The following AFF3 variants were observed in gnomAD, a reference collection of about 807,000 sequenced individuals.
AFF3 encodes the protein ALF transcription elongation factor 3, also known as AF4/FMR2 family member 3.
AFF3 carries 32 observed loss-of-function variants against 129.7 expected under a neutral mutation model. The ratio of observed to expected loss-of-function variants is 0.25; its 90% CI spans 0.19 to 0.33. The LOEUF (loss-of-function observed/expected upper bound fraction) is 0.33, where lower values mean the gene tolerates loss of function less well. Among genes scored for constraint, AFF3 ranks in the 10% least tolerant of loss-of-function variants. The pLI is 1.00. For missense variants in AFF3, 1,373 were observed against 1,592.0 expected, an observed-to-expected ratio of 0.86 and a Z score of 2.34; for synonymous variants, 644 against 635.4, an observed-to-expected ratio of 1.01 and a Z score of -0.20.
intron 11 of AFF3, among the ~76,000 whole-genome samples, chr2:99,721,746 G>A (rs373119001): frequency 2.6e-5 from 4 of 152,070 alleles, no homozygotes; most frequent in East Asian, 3.9e-4. Context: ...AATGTTCCAC[G>A]GTGTAGTTTT....
At chr2:99,927,247 C>T (rs1199792367) in intron 7 of AFF3, among the ~76,000 whole-genome samples, 1 of 152,234 alleles carries the variant, frequency 6.6e-6, no homozygotes, top group Non-Finnish European at 1.5e-5. Flanking sequence ...CTCTCCAGGG[C>T]ACTCTGAAAA....
At chr2:99,594,845 T>C (rs1679131131) in intron 14 of AFF3, among the ~76,000 whole-genome samples, 2 of 152,212 alleles carry the variant, frequency 1.3e-5, no homozygotes, top group Admixed American at 1.3e-4. Context: ...TGGCTTGTTT[T>C]GCATATAGAA....
rs1688591061 is a variant in AFF3 at position 99,832,649 on chromosome 2, T to C, written c.921+4828A>G. 2.6e-5 allele frequency among the ~76,000 whole-genome samples: 4 copies of C among 152,234 alleles called. No homozygotes were observed. The South Asian group carries it at 8.3e-4, about 31-fold the overall frequency. ...TATAAAATGAGATATAAAAGTGTGG[T>C]ATTTCTGTCCCTAACCGTTCAGATG... On this transcript the variant is annotated intron_variant, in intron 8 of 24. Transcript: ENST00000672756.
At chr2:99,611,290 G>A (rs566325486) in intron 13 of AFF3, among the ~76,000 whole-genome samples, 57 of 152,160 alleles carry the variant, frequency 3.7e-4, no homozygotes, top group African/African-American at 1.3e-3. Context: ...CATCTGTGTT[G>A]GTCTCAGTAT....
At chr2:99,708,229 A>G (rs527245619) in intron 11 of AFF3, among the ~76,000 whole-genome samples, 10 of 152,186 alleles carry the variant, frequency 6.6e-5, no homozygotes, top group South Asian at 2.1e-4. Flanking sequence ...TGGAGGTTCA[A>G]TGGAAGGGAT....
chr2:99,979,555 T>A (rs1333364635), intron 7 of AFF3, among the ~76,000 whole-genome samples: 30 of 152,106 alleles, frequency 2.0e-4, no homozygotes, highest in Admixed American at 2.0e-3. Flanking sequence ...CACAGTTCAC[T>A]GCAACCTTGA....
intron 7 of AFF3, among the ~76,000 whole-genome samples, chr2:99,978,079 G>C (rs992266362): frequency 1.3e-5 from 2 of 152,204 alleles, no homozygotes; most frequent in African/African-American, 4.8e-5. Flanking sequence ...CACCTGGGCA[G>C]TAAAGTTCAA....
chr2:99,768,793 C>T lies in AFF3; in HGVS notation c.922-16492G>A, dbSNP rs116313056. Among the ~76,000 whole-genome samples the T allele has an allele frequency of 7.8e-3, 1,188 of 152,032 alleles. 15 individuals are homozygous for T. The highest frequency in any genetic ancestry group is 0.027 in the African/African-American group (1,118 of 41,472). On this transcript the variant is annotated intron_variant, in intron 8 of 24. Transcript: ENST00000672756. ...TATTCTGGGGTAAAAGTTTTTTTTC[C>T]TTTAGCACTTTAAATATGTCACGCC...
intron 2 of AFF3, among the ~76,000 whole-genome samples, chr2:100,123,168 ATT>A (rs1692048259): frequency 6.6e-6 from 1 of 152,242 alleles, no homozygotes; most frequent in Non-Finnish European, 1.5e-5. Context: ...AATGTCTACC[ATT>A]TGGCTTGGCC....
At chr2:99,987,880 T>C (rs1377866001) in intron 7 of AFF3, among the ~76,000 whole-genome samples, 2 of 152,254 alleles carry the variant, frequency 1.3e-5, no homozygotes, top group Non-Finnish European at 2.9e-5. Context: ...TAAAACACTA[T>C]GAACCTGTTA....
intron 2 of AFF3, among the ~76,000 whole-genome samples, chr2:100,111,981 A>C (rs535277521): frequency 6.6e-6 from 1 of 152,356 alleles, no homozygotes; most frequent in South Asian, 2.1e-4. Flanking sequence ...TAGCTGGAAC[A>C]ACATTCTTCC....
chr2:99,788,049 T>A (rs1232605529), intron 8 of AFF3, among the ~76,000 whole-genome samples: 1 of 152,202 alleles, frequency 6.6e-6, no homozygotes, highest in African/African-American at 2.4e-5. Context: ...GTGTAACACA[T>A]TACTCACCAT....
chr2:99,831,927 T>G (rs1275962362), intron 8 of AFF3, among the ~76,000 whole-genome samples: 1 of 152,178 alleles, frequency 6.6e-6, no homozygotes, highest in Non-Finnish European at 1.5e-5. Context: ...CTATTTGTTT[T>G]CTCCTCTGCA....
intron 11 of AFF3, among the ~76,000 whole-genome samples, chr2:99,684,614 A>AT (rs199580507): frequency 0.096 from 13,832 of 143,508 alleles, 747 homozygotes; most frequent in African/African-American, 0.14. Flanking sequence ...CCATGAATTC[A>AT]TTTTTTTTTT....
chr2:100,007,383 A>C lies in AFF3; in HGVS notation c.252T>G (p.Thr84=). ...CGAGATGACTCTGATTGGATCTATC[A>C]GTTAAAAAGTCTTTCATTTCATCAT... ...GNYDEMKDFL[T]DRSNQSHLVG... The change falls in exon 6 of 25, where the codon ACT becomes ACG. Residue 84 remains threonine (T), a synonymous_variant. Coordinates refer to ENST00000672756, the MANE Select transcript of AFF3 (RefSeq NM_001386135.1). 6.2e-7 allele frequency: 1 copy of C among 1,614,206 alleles called. No individual in the cohort carries two copies. Among genetic ancestry groups the C allele is most frequent in the Non-Finnish European group, 8.5e-7 (1 of 1,180,024 alleles).
intron 8 of AFF3, among the ~76,000 whole-genome samples, chr2:99,790,118 C>T (rs1685091954): frequency 6.6e-6 from 1 of 152,248 alleles, no homozygotes; most frequent in South Asian, 2.1e-4. Context: ...CATTTACCAA[C>T]CTGCCTTAGA....
intron 7 of AFF3, among the ~76,000 whole-genome samples, chr2:100,005,207 T>C (rs891094605): frequency 6.6e-6 from 1 of 152,222 alleles, no homozygotes; most frequent in African/African-American, 2.4e-5. Flanking sequence ...TGCACAGTTA[T>C]CTGCTTAAGG....
chr2:99,968,878 A>T (rs773321310), intron 7 of AFF3, among the ~76,000 whole-genome samples: 6 of 152,192 alleles, frequency 3.9e-5, no homozygotes, highest in Non-Finnish European at 8.8e-5. Flanking sequence ...AACTGAAGAG[A>T]CATCTTCTTC....
intron 15 of AFF3, among the ~76,000 whole-genome samples, chr2:99,592,008 T>C (rs1558613047): frequency 1.3e-5 from 2 of 152,230 alleles, no homozygotes; most frequent in African/African-American, 2.4e-5. Context: ...GAAAACTTTG[T>C]CCTAAATTTG....
Sources: gnomAD v4.1 joint callset for allele counts (sites outside exome capture counted in the v4.1 genomes callset) on GRCh38, gnomAD v4.1.1 for gene constraint, MANE v1.5 for transcripts, NCBI Gene and HGNC (gene_info 2026-07-23, HGNC 2026-07-21) for gene names.